PSME4: variants seen among roughly 807,000 people sequenced by gnomAD.
PSME4 encodes proteasome activator complex subunit 4.
In PSME4, 89 loss-of-function variants were observed where a neutral mutation model predicts 253.9. The observed-to-expected ratio is 0.35, with a 90% CI of 0.30 to 0.42. PSME4 has a LOEUF of 0.42. Ranked by LOEUF, PSME4 falls within the 10% of genes least tolerant of loss-of-function variation. PSME4 has a pLI of 1.00. For missense variants in PSME4, 2,014 were observed against 2,195.2 expected (o/e 0.92, Z 1.65); for synonymous variants, 851 against 759.2 (o/e 1.12, Z -1.99).
At chr2:53,923,909 TTAACAAAAAAAAAAAAAA>T (rs1337770435) in intron 14 of PSME4, among the ~76,000 whole-genome samples, 1 of 58,768 alleles carries the variant, frequency 1.7e-5, no homozygotes, top group African/African-American at 8.5e-5. Context: ...GGTGACAGAG[TTAACAAAAAAAAAAAAAA>T]AAAAAAAAAA....
At chr2:53,929,898 A>T (rs987133831) in intron 10 of PSME4, among the ~76,000 whole-genome samples, 3 of 151,934 alleles carry the variant, frequency 2.0e-5, no homozygotes, top group African/African-American at 7.2e-5. Context: ...GACACCTGTA[A>T]TCCCAGCTAC....
chr2:53,904,714 C>A (rs896348130), intron 26 of PSME4, among the ~76,000 whole-genome samples: 1 of 152,066 alleles, frequency 6.6e-6, no homozygotes, highest in African/African-American at 2.4e-5. Flanking sequence ...GTAGGATGGG[C>A]GCAGTGGCTC....
rs1207412841 is a variant in PSME4, at chr2:53,912,036, T to C, written c.2517-1906A>G. Among the ~76,000 whole-genome samples, 5 of 152,246 alleles carry C rather than the reference T, an allele frequency of 3.3e-5. No homozygotes were observed. The East Asian group carries it at 9.6e-4, about 29-fold the overall frequency. On this transcript the variant is annotated intron_variant, in intron 20 of 46. Coordinates refer to ENST00000404125, the MANE Select transcript of PSME4 (RefSeq NM_014614.3). Reference sequence around the variant, plus strand: ...TAAGATTGTAAAATATTAAGTAATGTATTTAAATAAAAGCCTTATCTTCTT... The same window carrying C: ...TAAGATTGTAAAATATTAAGTAATGCATTTAAATAAAAGCCTTATCTTCTT...
At chr2:53,964,584 T>C (rs968841405) in intron 1 of PSME4, among the ~76,000 whole-genome samples, 1 of 152,226 alleles carries the variant, frequency 6.6e-6, no homozygotes, top group African/African-American at 2.4e-5. Context: ...TCAAGATTCA[T>C]TTACAAATAA....
chr2:53,881,943 T>C (rs1679408976), intron 41 of PSME4, among the ~76,000 whole-genome samples: 1 of 152,226 alleles, frequency 6.6e-6, no homozygotes, highest in East Asian at 1.9e-4. Flanking sequence ...TTGTAAGCTA[T>C]TCTTGGTTGG....
chr2:53,898,351 G>C lies in PSME4; in HGVS notation c.3426C>G (p.Asn1142Lys), dbSNP rs769343098. The change falls in exon 30 of 47, where the codon AAC becomes AAG. Residue 1142 changes from asparagine to lysine, a missense_variant. By Grantham distance (94) the Asn-to-Lys change is moderately conservative. Around this residue, in one of 4 missense-constraint regions of PSME4, gnomAD observed 989 missense variants for 1,021.1 expected, o/e 0.97. Coordinates refer to ENST00000404125, the MANE Select transcript of PSME4 (RefSeq NM_014614.3). ...GCAAGGTGTCTACCAAATTTTCATA[G>C]TTCCTTTAAAAAAAAGGTGAGGTAT... ...QQEKNADALR[N>K]YENLVDTLLD... is the part of the protein sequence containing the mutation. The C allele has an allele frequency of 6.9e-6, 11 of 1,595,720 alleles. No homozygotes were observed. In the South Asian group the frequency reaches 1.3e-4, roughly 18 times the overall value.
At chr2:53,908,252 A>T in intron 24 of PSME4, 68 bp downstream of exon 24, 3 of 1,248,698 alleles carry the variant, frequency 2.4e-6, no homozygotes, top group Non-Finnish European at 3.4e-6. Flanking sequence ...GCTGAATAAT[A>T]CCCAAATTAC....
Position 53,932,042 on chromosome 2 carries a change from C to T in PSME4, c.1109G>A (p.Arg370His), listed in dbSNP as rs781524452. The change falls in exon 10 of 47, where the codon CGT becomes CAT. Residue 370 changes from arginine (R) to histidine (H), a missense_variant. Physicochemically the swap from Arg to His is conservative, Grantham distance 29 (BLOSUM62 0). Around this residue, in one of 4 missense-constraint regions of PSME4, gnomAD observed 615 missense variants for 594.4 expected, o/e 1.03. Coordinates refer to ENST00000404125, the MANE Select transcript of PSME4 (RefSeq NM_014614.3). The part of the protein sequence containing the change: ...LPNSVVRRLH[R>H]ERYKKPSWLT... Reference sequence around the variant, plus strand: ...CCAAGAGGGCTTCTTGTATCTTTCACGATGCAATCTTCTAACAACACTGTT... The same window carrying T: ...CCAAGAGGGCTTCTTGTATCTTTCATGATGCAATCTTCTAACAACACTGTT... 9.3e-6 allele frequency: 15 copies of T among 1,613,688 alleles called. No individual in the cohort carries two copies. The South Asian group carries it at 1.2e-4, about 13-fold the overall frequency.
At chr2:53,914,135 AG>A (rs377432057) in intron 20 of PSME4, among the ~76,000 whole-genome samples, 6 of 152,234 alleles carry the variant, frequency 3.9e-5, no homozygotes, top group African/African-American at 1.4e-4. Context: ...CACAAAATAA[AG>A]GAATATTTTG....
chr2:53,927,293 A>AT (rs1377127877), intron 12 of PSME4, 101 bp downstream of exon 12: 5 of 850,466 alleles, frequency 5.9e-6, no homozygotes, highest in Non-Finnish European at 9.7e-6. Context: ...CAAAATAGTG[A>AT]TTTTACTTCC....
chr2:53,898,175 T>C, intron 30 of PSME4, 126 bp downstream of exon 30: 1 of 1,194,170 alleles, frequency 8.4e-7, no homozygotes, highest in Non-Finnish European at 1.2e-6. Context: ...CCTCTTAATC[T>C]GCTTCCAAAT....
chr2:53,937,968 G>C (rs1467700153), intron 4 of PSME4, among the ~76,000 whole-genome samples: 2 of 151,578 alleles, frequency 1.3e-5, no homozygotes, highest in Non-Finnish European at 2.9e-5. Flanking sequence ...ACTCCAGCCT[G>C]GGCAACAGAG....
In PSME4 at chr2:53,920,270, A is replaced by C. The variant is rs1668238830; in HGVS notation, c.2343T>G (p.Phe781Leu). The change falls in exon 19 of 47, where the codon TTT (phenylalanine) becomes TTG (leucine). Residue 781 changes from phenylalanine to leucine, a missense_variant. Physicochemically the swap from Phe to Leu is conservative, Grantham distance 22 (BLOSUM62 0). Coordinates refer to ENST00000404125, the MANE Select transcript of PSME4 (RefSeq NM_014614.3). Reference protein sequence around the residue: ...VPSSEEVSFAFYLLDSFLQPE... With the variant: ...VPSSEEVSFALYLLDSFLQPE... ...GCTGAAGAAAGGAGTCCAAAAGATAAAAGGCAAAAGACACTTCTTCTGAAG... is the reference window on the plus strand; with the variant it reads ...GCTGAAGAAAGGAGTCCAAAAGATACAAGGCAAAAGACACTTCTTCTGAAG... 1 of 1,613,928 alleles carries C rather than the reference A, an allele frequency of 6.2e-7. No homozygotes were observed. Among genetic ancestry groups the C allele is most frequent in the Non-Finnish European group, 8.5e-7 (1 of 1,179,866 alleles).
rs751941981 is a variant in PSME4 at position 53,899,925 on chromosome 2, C to T, written c.3378G>A (p.Lys1126=). 6.2e-7 allele frequency: 1 copy of T among 1,613,664 alleles called. No individual in the cohort carries two copies. Among genetic ancestry groups the T allele is most frequent in the Non-Finnish European group, 8.5e-7 (1 of 1,179,658 alleles). Residue 1126 remains lysine (K), a synonymous_variant, in exon 29 of 47, where the codon AAG becomes AAA. Coordinates refer to ENST00000404125, the MANE Select transcript of PSME4 (RefSeq NM_014614.3). ...NQILLSPEKI[K]EGIKRQQEKN... ...TTTCCTGTTGGCGTTTAATTCCTTC[C>T]TTAATTTTTTCTGGGCTAAGCAATA...
intron 44 of PSME4, 79 bp from the exon 45 acceptor site, chr2:53,866,959 TC>T: frequency 7.3e-7 from 1 of 1,377,818 alleles, no homozygotes; most frequent in Non-Finnish European, 9.9e-7. Context: ...AAATTAGTTT[TC>T]AATTGTGTTG....
At chr2:53,874,954 CA>C (rs950819234) in intron 42 of PSME4, among the ~76,000 whole-genome samples, 2 of 151,928 alleles carry the variant, frequency 1.3e-5, no homozygotes, top group African/African-American at 4.8e-5. Context: ...AAAACAATAA[CA>C]AAAAAACCCA....
rs61078234 is a variant in PSME4 at position 53,940,952 on chromosome 2, C to CATATTTAAATATAT, written c.501-953_501-952insATATATTTAAATAT. Reference sequence around the variant, plus strand: ...TAATACATATATAAATATATATATACATATATATATATATATATATATATA... The same window carrying CATATTTAAATATAT: ...TAATACATATATAAATATATATATACATATTTAAATATATATATATATATATATATATATATATA... On this transcript the variant is annotated intron_variant, in intron 3 of 46. Transcript: ENST00000404125. 5.3e-3 allele frequency among the ~76,000 whole-genome samples: 128 copies of CATATTTAAATATAT among 24,000 alleles called. 17 individuals are homozygous for CATATTTAAATATAT. Among genetic ancestry groups the CATATTTAAATATAT allele is most frequent in the East Asian group, 0.015 (13 of 844 alleles). 15.7% of individuals were successfully genotyped at this position (24,000 alleles called of 152,430 possible). A position where few individuals can be genotyped will look rare whatever the true frequency, so the allele number is the denominator to read the frequency against.
chr2:53,873,256 A>G (rs1460269864), intron 43 of PSME4, among the ~76,000 whole-genome samples: 8 of 151,996 alleles, frequency 5.3e-5, no homozygotes, highest in African/African-American at 1.2e-4. Flanking sequence ...AAGAAAAAAA[A>G]AAACAGTTGT....
intron 27 of PSME4, among the ~76,000 whole-genome samples, chr2:53,902,463 A>G (rs920891764): frequency 6.6e-6 from 1 of 152,170 alleles, no homozygotes; most frequent in African/African-American, 2.4e-5. Context: ...CCTGATTCCA[A>G]TCTAGCTTAT....
Sources: gnomAD v4.1 joint callset for allele counts (sites outside exome capture counted in the v4.1 genomes callset) on GRCh38, gnomAD v4.1.1 for gene constraint, gnomAD v4.1.1 regional missense constraint, MANE v1.5 for transcripts, NCBI Gene and HGNC (gene_info 2026-07-23, HGNC 2026-07-21) for gene names.